The following MUC7 variants were observed in gnomAD, a reference collection of about 807,000 sequenced individuals.
MUC7 encodes the protein mucin-7.
MUC7 carries 2 observed loss-of-function variants against 2.5 expected under a neutral mutation model. That is an observed-to-expected ratio of 0.81 (90% confidence interval 0.33 to 2.55). The LOEUF is 2.55. Among genes scored for constraint, MUC7 ranks in the 30% most tolerant of loss-of-function variants. The pLI, the probability that MUC7 is intolerant of heterozygous loss-of-function variation, is 0.11. For missense variants in MUC7, 408 were observed against 455.6 expected, an observed-to-expected ratio of 0.90 and a Z score of 0.95; for synonymous variants, 133 against 173.4, an observed-to-expected ratio of 0.77 and a Z score of 1.83.
At chr4:70,443,895 C>A (rs1440829512) in intron 1 of MUC7, among the ~76,000 whole-genome samples, 1 of 152,154 alleles carries the variant, frequency 6.6e-6, no homozygotes, top group Non-Finnish European at 1.5e-5. Context: ...CTCATACAAA[C>A]CTCATTTAAA....
At chr4:70,448,921 C>A (rs1235977950) in intron 1 of MUC7, among the ~76,000 whole-genome samples, 1 of 152,158 alleles carries the variant, frequency 6.6e-6, no homozygotes, top group Non-Finnish European at 1.5e-5. Flanking sequence ...AGATTTAAGT[C>A]TTTAATCCAT....
At chr4:70,457,654 G>A (rs1014007450) in intron 1 of MUC7, among the ~76,000 whole-genome samples, 1 of 151,956 alleles carries the variant, frequency 6.6e-6, no homozygotes, top group Non-Finnish European at 1.5e-5. Context: ...ATTATATATA[G>A]CAGAAGGTAA....
intron 1 of MUC7, among the ~76,000 whole-genome samples, chr4:70,453,255 A>G (rs1199476901): frequency 6.6e-6 from 1 of 152,368 alleles, no homozygotes; most frequent in East Asian, 1.9e-4. Flanking sequence ...CCAGAGCTGT[A>G]GTCCAGGAAA....
chr4:70,470,800 C>A (rs879844474), upstream of MUC7, among the ~76,000 whole-genome samples: 1 of 152,144 alleles, frequency 6.6e-6, no homozygotes, highest in Non-Finnish European at 1.5e-5. Flanking sequence ...AATATTATAG[C>A]CCATATTTAC....
chr4:70,438,480 C>A (rs1303799494), intron 1 of MUC7, among the ~76,000 whole-genome samples: 1 of 147,690 alleles, frequency 6.8e-6, no homozygotes, highest in African/African-American at 2.7e-5. Context: ...GGTTTTGAGA[C>A]AGAGTCTCAC....
intron 1 of MUC7, among the ~76,000 whole-genome samples, chr4:70,473,163 G>A (rs573841732): frequency 2.8e-4 from 42 of 152,246 alleles, no homozygotes; most frequent in African/African-American, 8.9e-4. Flanking sequence ...GGCCAGACAC[G>A]GTGGCTCACA....
intron 1 of MUC7, among the ~76,000 whole-genome samples, chr4:70,437,542 A>T (rs1733878347): frequency 6.6e-6 from 1 of 152,144 alleles, no homozygotes. Flanking sequence ...CACAGGAGAG[A>T]ATCTCCTGGT....
At chr4:70,457,031 G>A (rs750080390) in intron 1 of MUC7, among the ~76,000 whole-genome samples, 1 of 109,206 alleles carries the variant, frequency 9.2e-6, no homozygotes, top group Non-Finnish European at 2.1e-5. Context: ...CAAATAATAA[G>A]ATGGAAGACA....
intron 1 of MUC7, among the ~76,000 whole-genome samples, chr4:70,463,527 A>C (rs1734608639): frequency 6.6e-6 from 1 of 152,232 alleles, no homozygotes; most frequent in African/African-American, 2.4e-5. Context: ...ACAGAAAAAC[A>C]GCTGTAGCTT....
chr4:70,439,634 G>C (rs911538471), intron 1 of MUC7, among the ~76,000 whole-genome samples: 7 of 151,854 alleles, frequency 4.6e-5, no homozygotes, highest in African/African-American at 1.7e-4. Context: ...TTATGATTTT[G>C]TTCACACTTT....
chr4:70,440,399 C>A (rs1211630929), intron 1 of MUC7, among the ~76,000 whole-genome samples: 1 of 152,100 alleles, frequency 6.6e-6, no homozygotes, highest in Non-Finnish European at 1.5e-5. Flanking sequence ...ACCGCATGAG[C>A]ACATGCATCA....
At chr4:70,438,133 C>T (rs755297875) in intron 1 of MUC7, among the ~76,000 whole-genome samples, 1 of 152,152 alleles carries the variant, frequency 6.6e-6, no homozygotes, top group Admixed American at 6.5e-5. Flanking sequence ...ACTGGAAAGG[C>T]TTACAACCTC....
At chr4:70,432,380 C>G (rs959452534) in intron 1 of MUC7, among the ~76,000 whole-genome samples, 1 of 152,172 alleles carries the variant, frequency 6.6e-6, no homozygotes, top group African/African-American at 2.4e-5. Context: ...TAAAAGTGTT[C>G]CATTTCTCCA....
chr4:70,480,731 C>A, intron 2 of MUC7, 68 bp from the exon 3 acceptor site: 2 of 1,509,494 alleles, frequency 1.3e-6, no homozygotes, highest in South Asian at 1.2e-5. Context: ...ATCTCATGGT[C>A]AGCAGTGATC....
chr4:70,478,866 G>A (rs145152113), intron 2 of MUC7, among the ~76,000 whole-genome samples: 33 of 152,308 alleles, frequency 2.2e-4, no homozygotes, highest in African/African-American at 7.5e-4. Context: ...CAGTGTTACC[G>A]ATTCTGAAAA....
intron 1 of MUC7, among the ~76,000 whole-genome samples, chr4:70,459,025 GA>G (rs1734480818): frequency 6.6e-6 from 1 of 151,994 alleles, no homozygotes; most frequent in African/African-American, 2.4e-5. Context: ...TATAAACCTT[GA>G]AATATAAAGC....
upstream of MUC7, among the ~76,000 whole-genome samples, chr4:70,469,839 A>G (rs114069551): frequency 0.016 from 2,373 of 152,366 alleles, 28 homozygotes; most frequent in Middle Eastern, 0.048. Flanking sequence ...CAATTGTGGA[A>G]GACAGTGTAG....
At chr4:70,452,445 C>T (rs1404401101) in intron 1 of MUC7, among the ~76,000 whole-genome samples, 2 of 151,448 alleles carry the variant, frequency 1.3e-5, no homozygotes, top group Non-Finnish European at 2.9e-5. Flanking sequence ...TTCAGGTTAC[C>T]ATGAGGCTTA....
At chr4:70,474,226 T>G in intron 2 of MUC7, 151 bp downstream of exon 2, 1 of 635,648 alleles carries the variant, frequency 1.6e-6, no homozygotes, top group East Asian at 2.8e-5. Flanking sequence ...TATGGACAAT[T>G]GGCCGGTGCA....
Sources: gnomAD v4.1 joint callset for allele counts (sites outside exome capture counted in the v4.1 genomes callset) on GRCh38, gnomAD v4.1.1 for gene constraint, MANE v1.5 for transcripts, NCBI Gene and HGNC (gene_info 2026-07-23, HGNC 2026-07-21) for gene names.